Variants in LOC128092252 observed in about 807,000 individuals in gnomAD.
At chr15:50,679,524 A>AT in the LOC128092252 span, among the ~76,000 whole-genome samples, 8 of 45,660 alleles carry the variant, frequency 1.8e-4, no homozygotes, top group African/African-American at 7.3e-4. Context: ...ATATATATAT[A>AT]TATATATATA....
the LOC128092252 span, among the ~76,000 whole-genome samples, chr15:50,671,642 C>A: frequency 0.085 from 8,851 of 104,686 alleles, 334 homozygotes; most frequent in African/African-American, 0.16. Context: ...GATCCTGTCG[C>A]TACAAAAGTT....
the LOC128092252 span, chr15:50,686,675 C>T: frequency 2.2e-5 from 24 of 1,109,028 alleles, no homozygotes; most frequent in Admixed American, 1.4e-4. Context: ...CTTCTCAGAA[C>T]TAACTCAGCT....
the LOC128092252 span, among the ~76,000 whole-genome samples, chr15:50,651,052 T>A: frequency 1.3e-5 from 2 of 152,130 alleles, no homozygotes; most frequent in South Asian, 4.2e-4. Flanking sequence ...TCGGGCGTGG[T>A]GATGCACGCC....
the LOC128092252 span, among the ~76,000 whole-genome samples, chr15:50,672,366 ATTTT>A: frequency 6.9e-6 from 1 of 145,408 alleles, no homozygotes. Flanking sequence ...ACTCCTACCT[ATTTT>A]TTTTTTTAAC....
the LOC128092252 span, among the ~76,000 whole-genome samples, chr15:50,669,586 A>T: frequency 6.6e-6 from 1 of 152,228 alleles, no homozygotes; most frequent in African/African-American, 2.4e-5. Context: ...GCCAAGTATA[A>T]CAAAGCAAAT....
At chr15:50,679,676 C>T in the LOC128092252 span, among the ~76,000 whole-genome samples, 1 of 150,626 alleles carries the variant, frequency 6.6e-6, no homozygotes, top group Non-Finnish European at 1.5e-5. Flanking sequence ...GCTGGGATTA[C>T]AGGCGCACAC....
chr15:50,673,337 T>C, the LOC128092252 span, among the ~76,000 whole-genome samples: 2 of 152,322 alleles, frequency 1.3e-5, no homozygotes, highest in East Asian at 3.8e-4. Flanking sequence ...AGTTCTTTAG[T>C]GGTGACTTGT....
At chr15:50,654,729 T>C in the LOC128092252 span, among the ~76,000 whole-genome samples, 3 of 150,732 alleles carry the variant, frequency 2.0e-5, no homozygotes, top group African/African-American at 7.3e-5. Flanking sequence ...CTGGGCGCAG[T>C]GGCTCACGCC....
chr15:50,655,000 C>CAAAAA, the LOC128092252 span, among the ~76,000 whole-genome samples: 8 of 69,382 alleles, frequency 1.2e-4, no homozygotes, highest in African/African-American at 1.7e-4. Flanking sequence ...CACTCCGTCT[C>CAAAAA]AAAAAAAAAA....
the LOC128092252 span, among the ~76,000 whole-genome samples, chr15:50,653,500 AATAT>A: frequency 2.0e-5 from 3 of 152,322 alleles, no homozygotes; most frequent in African/African-American, 7.2e-5. Context: ...ATGTGAACAA[AATAT>A]ATGAGATAAC....
At chr15:50,663,679 C>A in the LOC128092252 span, among the ~76,000 whole-genome samples, 1 of 152,146 alleles carries the variant, frequency 6.6e-6, no homozygotes, top group Admixed American at 6.6e-5. Context: ...ATTTAAAAGA[C>A]AACTAGCTCG....
the LOC128092252 span, among the ~76,000 whole-genome samples, chr15:50,674,541 T>C: frequency 3.3e-5 from 5 of 152,356 alleles, no homozygotes; most frequent in Admixed American, 6.5e-5. Context: ...TTTTGTCTTT[T>C]AACCTTCATA....
chr15:50,684,446 C>T, the LOC128092252 span, among the ~76,000 whole-genome samples: 1 of 151,936 alleles, frequency 6.6e-6, no homozygotes, highest in Non-Finnish European at 1.5e-5. Flanking sequence ...TTCAAGACCA[C>T]CCTGGCCAAT....
the LOC128092252 span, among the ~76,000 whole-genome samples, chr15:50,657,046 G>C: frequency 7.2e-4 from 110 of 152,092 alleles, no homozygotes; most frequent in African/African-American, 2.6e-3. Flanking sequence ...AAAATCAGCC[G>C]GGCCTGGTGG....
the LOC128092252 span, among the ~76,000 whole-genome samples, chr15:50,654,585 A>C: frequency 6.6e-6 from 1 of 151,664 alleles, no homozygotes; most frequent in African/African-American, 2.4e-5. Flanking sequence ...GCTGAAGGGC[A>C]TACAGGAATA....
At chr15:50,686,427 C>A in the LOC128092252 span, 897 of 1,589,560 alleles carry the variant, frequency 5.6e-4, 8 homozygotes, top group East Asian at 0.017. Context: ...GAGGGTCCTT[C>A]GCCGCATGGA....
chr15:50,667,837 A>G, the LOC128092252 span, among the ~76,000 whole-genome samples: 2 of 152,242 alleles, frequency 1.3e-5, no homozygotes, highest in Non-Finnish European at 2.9e-5. Context: ...TGGCTTATTG[A>G]CATAAAAATC....
the LOC128092252 span, among the ~76,000 whole-genome samples, chr15:50,678,258 C>CA: frequency 8.1e-5 from 9 of 111,508 alleles, no homozygotes; most frequent in Non-Finnish European, 1.4e-4. Context: ...AAAACAAAAA[C>CA]AAAAACAAAA....
chr15:50,668,300 G>A, the LOC128092252 span, among the ~76,000 whole-genome samples: 1 of 152,134 alleles, frequency 6.6e-6, no homozygotes, highest in South Asian at 2.1e-4. Context: ...ATTAATGTAA[G>A]ACTCATCTTT....
Sources: gnomAD v4.1 joint callset for allele counts (sites outside exome capture counted in the v4.1 genomes callset) on GRCh38, gnomAD v4.1.1 for gene constraint, MANE v1.5 for transcripts.